The following TET1 variants were observed in gnomAD, a reference collection of about 807,000 sequenced individuals.
TET1 encodes methylcytosine dioxygenase TET1.
In TET1, 13 loss-of-function variants were observed where a neutral mutation model predicts 148.7. The observed-to-expected ratio is 0.09, with a 90% CI of 0.06 to 0.14. The LOEUF is 0.14. Ranked by LOEUF, TET1 falls within the 10% of genes least tolerant of loss-of-function variation. The pLI is 1.00. For missense variants in TET1, 2,182 were observed against 2,553.8 expected (o/e 0.85, Z 3.14); for synonymous variants, 907 against 937.2 (o/e 0.97, Z 0.59).
At chr10:68,613,144 T>G (rs1256046729) in intron 3 of TET1, among the ~76,000 whole-genome samples, 6 of 152,246 alleles carry the variant, frequency 3.9e-5, no homozygotes, top group Non-Finnish European at 8.8e-5. Context: ...CTCAAATCAT[T>G]GATCCAGCGT....
rs367572555 is a variant in TET1, at chr10:68,611,894, AAAGGAAGG to A, written c.1968+10872_1968+10879del. ...AGAGAGAGAGAGGGAGGGAGGGGAG[AAAGGAAGG>A]AAGGAAGGAAGAAAGGAAGGGAGGG... On this transcript the variant is annotated intron_variant, in intron 3 of 11. Transcript: ENST00000373644. Among the ~76,000 whole-genome samples, 89 of 146,512 alleles carry A rather than the reference AAAGGAAGG, an allele frequency of 6.1e-4. 2 individuals carry two copies. The East Asian group carries it at 0.017, about 29-fold the overall frequency.
rs553130527 is a variant in TET1, at chr10:68,582,765, A to C, written c.1914+8513A>C. Among the ~76,000 whole-genome samples, 11 of 152,246 alleles carry C rather than the reference A, an allele frequency of 7.2e-5. No individual in the cohort carries two copies. The South Asian group carries it at 2.3e-3, about 32-fold the overall frequency. ...TATGTTACATATGGCATATGGAACAAATTTTTGCTACCAACTCTTTCAATT... is the reference window on the plus strand; with the variant it reads ...TATGTTACATATGGCATATGGAACACATTTTTGCTACCAACTCTTTCAATT... On this transcript the variant is annotated intron_variant, in intron 2 of 11. Coordinates refer to ENST00000373644, the MANE Select transcript of TET1 (RefSeq NM_030625.3).
intron 3 of TET1, among the ~76,000 whole-genome samples, chr10:68,640,615 T>A (rs2054736110): frequency 8.2e-6 from 1 of 121,518 alleles, no homozygotes; most frequent in African/African-American, 3.1e-5. Context: ...GCAGTGGCGC[T>A]ATCTAGGCTC....
chr10:68,601,743 C>T (rs1484575359), intron 3 of TET1, among the ~76,000 whole-genome samples: 2 of 152,124 alleles, frequency 1.3e-5, no homozygotes, highest in Admixed American at 6.6e-5. Flanking sequence ...TTTAGTCTAA[C>T]GAATAGGTGC....
chr10:68,647,725 A>G (rs543621105), intron 4 of TET1, among the ~76,000 whole-genome samples: 58 of 152,326 alleles, frequency 3.8e-4, no homozygotes, highest in South Asian at 1.7e-3. Context: ...GAGATAGAAG[A>G]TACATATAGA....
At chr10:68,591,083 G>A (rs1401000168) in intron 2 of TET1, among the ~76,000 whole-genome samples, 2 of 152,108 alleles carry the variant, frequency 1.3e-5, no homozygotes, top group African/African-American at 2.4e-5. Context: ...TCGAACTCCC[G>A]ACCTCAGGTG....
chr10:68,670,400 C>G (rs2055257106), intron 7 of TET1, among the ~76,000 whole-genome samples: 1 of 152,150 alleles, frequency 6.6e-6, no homozygotes, highest in African/African-American at 2.4e-5. Flanking sequence ...CTGTTTCTTC[C>G]TGACTTAAGT....
At chr10:68,640,741 T>G (rs986462123) in intron 3 of TET1, among the ~76,000 whole-genome samples, 2 of 150,748 alleles carry the variant, frequency 1.3e-5, no homozygotes, top group African/African-American at 4.9e-5. Flanking sequence ...TTAGTAGAGA[T>G]GGGATTTCAC....
In TET1 at chr10:68,691,625, G is replaced by A. The variant is rs1160316693; in HGVS notation, c.6222G>A (p.Lys2074=). Residue 2074 remains lysine (K), a synonymous_variant, in exon 12 of 12, where the codon AAG becomes AAA. Transcript: ENST00000373644. The surrounding 1 kb of genome is among the most constrained non-coding windows in gnomAD (Gnocchi z 4.4). ...TTAAGTTTGAGGCTAAAGAAGCTAA[G>A]AATAAGAAAATGAAGGCCTCAGAGC... ...NKIKFEAKEA[K]NKKMKASEQK... 6 of 1,614,014 alleles carry A rather than the reference G, an allele frequency of 3.7e-6. No individual in the cohort carries two copies. Among genetic ancestry groups the A allele is most frequent in the Non-Finnish European group, 5.1e-6 (6 of 1,180,032 alleles).
At chr10:68,667,743 C>CA (rs71474424) in intron 7 of TET1, among the ~76,000 whole-genome samples, 3,793 of 117,832 alleles carry the variant, frequency 0.032, 157 homozygotes, top group African/African-American at 0.1. Context: ...GACTCCATCT[C>CA]AAAAAAAAAA....
intron 11 of TET1, 111 bp from the exon 12 acceptor site, chr10:68,690,697 T>A (rs756021418): frequency 1.5e-5 from 16 of 1,035,386 alleles, no homozygotes; most frequent in Non-Finnish European, 2.2e-5. Flanking sequence ...CAACACAACA[T>A]CAGCGTTTTC....
intron 7 of TET1, among the ~76,000 whole-genome samples, chr10:68,670,458 A>C (rs2055258004): frequency 6.6e-6 from 1 of 152,222 alleles, no homozygotes; most frequent in Admixed American, 6.5e-5. Flanking sequence ...AAACAAAAGA[A>C]AAAATAATTA....
chr10:68,608,518 A>AGCCACAGC (rs1357459111), intron 3 of TET1, among the ~76,000 whole-genome samples: 26 of 151,852 alleles, frequency 1.7e-4, no homozygotes, highest in Non-Finnish European at 3.2e-4. Flanking sequence ...TATAGGCGTG[A>AGCCACAGC]GCCACCGCGC....
intron 7 of TET1, among the ~76,000 whole-genome samples, chr10:68,669,203 C>T (rs2055234664): frequency 6.6e-6 from 1 of 152,054 alleles, no homozygotes; most frequent in Non-Finnish European, 1.5e-5. Context: ...TCTGATTTTG[C>T]CAGTGCACTT....
chr10:68,661,767 G>A (rs531593538), intron 6 of TET1, among the ~76,000 whole-genome samples: 160 of 151,894 alleles, frequency 1.1e-3, no homozygotes, highest in Non-Finnish European at 2.0e-3. Context: ...TTACAGGCAT[G>A]AGCCACCATG....
At chr10:68,593,687 A>G (rs1257614628) in intron 2 of TET1, among the ~76,000 whole-genome samples, 2 of 151,886 alleles carry the variant, frequency 1.3e-5, no homozygotes, top group East Asian at 3.9e-4. Flanking sequence ...ATCTCGGCTC[A>G]CTGCAACCTC....
chr10:68,669,896 A>G (rs2055250307), intron 7 of TET1, among the ~76,000 whole-genome samples: 1 of 151,612 alleles, frequency 6.6e-6, no homozygotes. Flanking sequence ...AACCCGCCTC[A>G]GCCTCCCAAA....
intron 3 of TET1, among the ~76,000 whole-genome samples, chr10:68,640,030 C>A (rs976040375): frequency 6.7e-6 from 1 of 149,126 alleles, no homozygotes; most frequent in Non-Finnish European, 1.5e-5. Context: ...CGAGTTCAAG[C>A]GATTTTCATG....
chr10:68,573,324 T>G lies in TET1; in HGVS notation c.986T>G (p.Phe329Cys), dbSNP rs201095472. The G allele has an allele frequency of 4.1e-4, 661 of 1,614,086 alleles. 1 individual carries two copies. Among genetic ancestry groups the G allele is most frequent in the Middle Eastern group, 4.9e-4 (3 of 6,062 alleles). The change falls in exon 2 of 12, where the codon TTC (phenylalanine) becomes TGC (cysteine). Residue 329 changes from phenylalanine (F) to cysteine (C), a missense_variant. By Grantham distance (205) the Phe-to-Cys change is radical. Transcript: ENST00000373644. ...ACGTCTCCTACCTCTGTAATAAAATTCCTCTTGGCAGGCTCAAAACAAGCG... is the reference window on the plus strand; with the variant it reads ...ACGTCTCCTACCTCTGTAATAAAATGCCTCTTGGCAGGCTCAAAACAAGCG... ...GSTSPTSVIKFLLAGSKQATL... is the reference protein window; with the variant it reads ...GSTSPTSVIKCLLAGSKQATL...
Sources: gnomAD v4.1 joint callset for allele counts (sites outside exome capture counted in the v4.1 genomes callset) on GRCh38, gnomAD v4.1.1 for gene constraint, Gnocchi (gnomAD v3.1) non-coding constraint, MANE v1.5 for transcripts, NCBI Gene and HGNC (gene_info 2026-07-23, HGNC 2026-07-21) for gene names.